The following SSC4D variants were observed in gnomAD, a reference collection of about 807,000 sequenced individuals.
SSC4D encodes the protein scavenger receptor cysteine-rich domain-containing group B protein.
A neutral mutation model predicts 63.4 loss-of-function variants in SSC4D; 57 were observed. The ratio of observed to expected loss-of-function variants is 0.90; its 90% confidence interval spans 0.73 to 1.12. The LOEUF (loss-of-function observed/expected upper bound fraction) is 1.12, where lower values mean the gene tolerates loss of function less well. Ranked by LOEUF, SSC4D falls within the 50% of genes most tolerant of loss-of-function variation. The pLI, the probability that SSC4D is intolerant of heterozygous loss-of-function variation, is 0.00. For missense variants in SSC4D, 791 were observed against 806.4 expected (o/e 0.98, Z 0.23); for synonymous variants, 352 against 345.4 (o/e 1.02, Z -0.21).
At position 76,390,157 on chromosome 7, in the gene SSC4D, C is replaced by T. The variant is rs780688036; in HGVS notation, c.1630G>A (p.Gly544Arg). 2 of 1,614,232 alleles carry T rather than the reference C, an allele frequency of 1.2e-6. No homozygotes were observed. Among genetic ancestry groups the T allele is most frequent in the Non-Finnish European group, 1.7e-6 (2 of 1,180,046 alleles). ...PILLDNVKCR[G>R]EESALLLCSH... Reference sequence around the variant, plus strand: ...CAGAGCAGCAGAGCACTTTCTTCCCCACGGCACTTGACATTGTCCAGGAGA... The same window carrying T: ...CAGAGCAGCAGAGCACTTTCTTCCCTACGGCACTTGACATTGTCCAGGAGA... The change falls in exon 11 of 11, where the codon GGG becomes AGG. Residue 544 changes from glycine (G) to arginine (R), a missense_variant. By Grantham distance (125) the Gly-to-Arg change is moderately radical (BLOSUM62 -2). Transcript: ENST00000275560.
At position 76,393,634 on chromosome 7, in the gene SSC4D, C is replaced by G; in HGVS notation, c.1104G>C (p.Val368=). Residue 368 remains valine (V), a synonymous_variant, in exon 9 of 11, where the codon GTG becomes GTC. Transcript: ENST00000275560. ...CCGCAAAGTCCCAGTCATCGTCGCA[C>G]ACGGTGCCCCAGCCCCCGGCGTGCA... The part of the protein sequence containing the change: ...EVLHAGGWGT[V]CDDDWDFADA... 6.7e-7 allele frequency: 1 copy of G among 1,492,792 alleles called. No individual in the cohort carries two copies. The highest frequency in any genetic ancestry group is 8.9e-7 in the Non-Finnish European group (1 of 1,127,304). 92.5% of individuals were successfully genotyped at this position (1,492,792 alleles called of 1,614,324 possible). A position where few individuals can be genotyped will look rare whatever the true frequency, so the allele number is the denominator to read the frequency against.
At chr7:76,391,934 AC>A in intron 10 of SSC4D, 29 bp downstream of exon 10, 1 of 1,571,382 alleles carries the variant, frequency 6.4e-7, no homozygotes. Context: ...CGATGCCTCC[AC>A]CCACTTTCAG....
At chr7:76,405,310 TA>T (rs60048787) in intron 1 of SSC4D, among the ~76,000 whole-genome samples, 11 of 66,448 alleles carry the variant, frequency 1.7e-4, no homozygotes, top group East Asian at 1.1e-3. Context: ...TATATATATA[TA>T]TATATGTATT....
intron 6 of SSC4D, among the ~76,000 whole-genome samples, chr7:76,396,025 C>G (rs1804631308): frequency 6.6e-6 from 1 of 152,268 alleles, no homozygotes; most frequent in Non-Finnish European, 1.5e-5. Flanking sequence ...GAAAACAGGG[C>G]TAGCAGGGCA....
intron 1 of SSC4D, among the ~76,000 whole-genome samples, chr7:76,405,327 C>CTTTT (rs1804979494): frequency 1.9e-4 from 4 of 20,842 alleles, no homozygotes; most frequent in African/African-American, 4.4e-4. Flanking sequence ...GTATTTTTTT[C>CTTTT]TTTCTTTCTT....
chr7:76,391,232 G>C (rs191728746), intron 10 of SSC4D, among the ~76,000 whole-genome samples: 93 of 152,148 alleles, frequency 6.1e-4, no homozygotes, highest in African/African-American at 2.2e-3. Context: ...TCAGGAGTTC[G>C]TGACCAGCCT....
rs140312195 is a variant in SSC4D at position 76,398,283 on chromosome 7, C to T, written c.553+437G>A. ...TCTGACCTTCCTGTGAGATTAAGCT[C>T]CAGTCTCACCGCCCATTCATTTTCT... On this transcript the variant is annotated intron_variant, in intron 5 of 10. Transcript: ENST00000275560. Among the ~76,000 whole-genome samples the T allele has an allele frequency of 3.9e-3, 594 of 151,582 alleles. 5 individuals carry two copies. Among genetic ancestry groups the T allele is most frequent in the African/African-American group, 0.014 (561 of 41,328 alleles).
Position 76,397,839 on chromosome 7 carries a change from A to G in SSC4D, c.554-7T>C. 1 of 1,550,194 alleles carries G rather than the reference A, an allele frequency of 6.5e-7. No individual in the cohort carries two copies. The highest frequency in any genetic ancestry group is 8.7e-7 in the Non-Finnish European group (1 of 1,144,550). ...AGGCGTACGCTGCCCTCACCTGGGGATGGGGGCGGGGGTCAGGGCGCATCT... is the reference window on the plus strand; with the variant it reads ...AGGCGTACGCTGCCCTCACCTGGGGGTGGGGGCGGGGGTCAGGGCGCATCT... On this transcript the variant is annotated splice_polypyrimidine_tract_variant and splice_region_variant and intron_variant, in intron 5 of 10. Coordinates refer to ENST00000275560, the MANE Select transcript of SSC4D (RefSeq NM_080744.2).
chr7:76,399,254 A>G (rs185504328), intron 4 of SSC4D, among the ~76,000 whole-genome samples: 3 of 151,988 alleles, frequency 2.0e-5, no homozygotes, highest in African/African-American at 7.2e-5. Context: ...CTCAGGTGAT[A>G]CACCTGCCTC....
intron 5 of SSC4D, 67 bp downstream of exon 5, chr7:76,398,653 G>A: frequency 6.6e-7 from 1 of 1,510,642 alleles, no homozygotes; most frequent in South Asian, 1.1e-5. Context: ...TCTTCCCACT[G>A]CCTAGGGTAG....
chr7:76,401,146 A>C (rs1804814751), intron 2 of SSC4D, 103 bp from the exon 3 acceptor site: 3 of 1,387,780 alleles, frequency 2.2e-6, no homozygotes, highest in African/African-American at 1.5e-5. Context: ...CATTACCCCC[A>C]TCTTCTTGGA....
intron 1 of SSC4D, among the ~76,000 whole-genome samples, chr7:76,407,396 A>G (rs1271187287): frequency 1.3e-5 from 2 of 151,702 alleles, no homozygotes; most frequent in African/African-American, 2.4e-5. Context: ...CAGTGGCACA[A>G]TCTCGGCTCA....
intron 2 of SSC4D, among the ~76,000 whole-genome samples, chr7:76,401,614 G>T (rs1031318006): frequency 1.3e-5 from 2 of 151,978 alleles, no homozygotes; most frequent in Admixed American, 6.6e-5. Context: ...ATGGGGTTTC[G>T]CCATGTTGGC....
rs777855682 is a variant in SSC4D, at chr7:76,397,542, C to T, written c.844G>A (p.Glu282Lys). The T allele has an allele frequency of 3.2e-6, 5 of 1,586,604 alleles. No individual in the cohort carries two copies. The highest frequency in any genetic ancestry group is 2.7e-5 in the African/African-American group (2 of 74,192). ...GWGVHNCGHHEDAGALCAGLG... is the reference protein window; with the variant it reads ...GWGVHNCGHHKDAGALCAGLG... ...CCTGCGCAGAGCGCGCCCGCGTCCT[C>T]GTGGTGGCCGCAGTTGTGCACACCC... Residue 282 changes from glutamate (E) to lysine (K), a missense_variant, in exon 6 of 11, where the codon GAG becomes AAG. By Grantham distance (56) the Glu-to-Lys change is moderately conservative (BLOSUM62 1). Transcript: ENST00000275560.
chr7:76,397,754 C>A lies in SSC4D; in HGVS notation c.632G>T (p.Gly211Val). The part of the protein sequence containing the change: ...RVEILHSGLW[G>V]TVCDDDWGLP... The stretch of plus-strand genomic sequence containing the variant: ...CCCCCAGTCGTCGTCACACACGGTG[C>A]CCCACAGGCCACTGTGCAGGATCTC... The change falls in exon 6 of 11, where the codon GGC becomes GTC. Residue 211 changes from glycine (G) to valine (V), a missense_variant. Transcript: ENST00000275560. 6.2e-7 allele frequency: 1 copy of A among 1,613,060 alleles called. No individual in the cohort carries two copies. The highest frequency in any genetic ancestry group is 2.2e-5 in the East Asian group (1 of 44,848).
chr7:76,402,757 C>G (rs1180618243), intron 2 of SSC4D, among the ~76,000 whole-genome samples: 1 of 152,154 alleles, frequency 6.6e-6, no homozygotes, highest in Non-Finnish European at 1.5e-5. Context: ...GCAACCTCCC[C>G]CTCCTGGGTT....
chr7:76,405,034 C>T lies in SSC4D; in HGVS notation c.-66-529G>A, dbSNP rs111839543. ...GCAGTGAGCTGAGATCATGCCACTGCACTCCAGCCTGGGCGACAGAGCAAG... is the reference window on the plus strand; with the variant it reads ...GCAGTGAGCTGAGATCATGCCACTGTACTCCAGCCTGGGCGACAGAGCAAG... On this transcript the variant is annotated intron_variant, in intron 1 of 10. Transcript: ENST00000275560. Among the ~76,000 whole-genome samples the T allele has an allele frequency of 8.4e-3, 1,274 of 151,254 alleles. 22 individuals are homozygous for T. The highest frequency in any genetic ancestry group is 0.03 in the African/African-American group (1,223 of 41,308).
chr7:76,402,783 C>A (rs1804873558), intron 2 of SSC4D, among the ~76,000 whole-genome samples: 1 of 152,140 alleles, frequency 6.6e-6, no homozygotes, highest in African/African-American at 2.4e-5. Flanking sequence ...GATTCTCCTG[C>A]CTCAACCTCC....
At chr7:76,402,100 C>T (rs986606570) in intron 2 of SSC4D, among the ~76,000 whole-genome samples, 1 of 151,798 alleles carries the variant, frequency 6.6e-6, no homozygotes, top group Non-Finnish European at 1.5e-5. Flanking sequence ...GCTCACTGCA[C>T]CCTCCAATAC....
Sources: gnomAD v4.1 joint callset for allele counts (sites outside exome capture counted in the v4.1 genomes callset) on GRCh38, gnomAD v4.1.1 for gene constraint, MANE v1.5 for transcripts, NCBI Gene and HGNC (gene_info 2026-07-23, HGNC 2026-07-21) for gene names.